EFL1: variants seen among roughly 807,000 people sequenced by gnomAD.
The protein encoded by EFL1 is elongation factor like GTPase 1.
EFL1 carries 76 observed loss-of-function variants against 126.7 expected under a neutral mutation model. The ratio of observed to expected loss-of-function variants is 0.60; its 90% CI spans 0.50 to 0.73. The LOEUF (loss-of-function observed/expected upper bound fraction) is 0.73. EFL1 is among the 30% of genes least tolerant of loss of function. EFL1 has a pLI of 0.00. For synonymous variants in EFL1, 410 were observed against 448.4 expected (o/e 0.91, Z 1.08); for missense variants, 1,128 against 1,343.2 (o/e 0.84, Z 2.50).
chr15:82,230,303 GT>G (rs1199893314), intron 8 of EFL1, among the ~76,000 whole-genome samples: 1 of 152,080 alleles, frequency 6.6e-6, no homozygotes, highest in South Asian at 2.1e-4. Flanking sequence ...TGAAATCCTG[GT>G]TTTAACATTA....
intron 15 of EFL1, among the ~76,000 whole-genome samples, chr15:82,213,386 C>T (rs2074609596): frequency 6.6e-6 from 1 of 152,164 alleles, no homozygotes. Context: ...TACCATATGG[C>T]AGAGCCAAGG....
chr15:82,259,801 T>C (rs990382671), intron 2 of EFL1, among the ~76,000 whole-genome samples: 1 of 152,196 alleles, frequency 6.6e-6, no homozygotes. Flanking sequence ...TTTTTTTCCT[T>C]CAAGACAAGT....
At chr15:82,211,537 A>G (rs1323014515) in intron 15 of EFL1, among the ~76,000 whole-genome samples, 2 of 106,580 alleles carry the variant, frequency 1.9e-5, no homozygotes, top group Non-Finnish European at 3.9e-5. Context: ...AAGAAAAAAA[A>G]AAAAATCTAT....
intron 15 of EFL1, among the ~76,000 whole-genome samples, chr15:82,170,153 C>G (rs980404599): frequency 5.6e-5 from 7 of 124,052 alleles, no homozygotes; most frequent in Admixed American, 1.0e-4. Context: ...CTCGCTCTGT[C>G]GCCCAGGCTG....
Position 82,162,736 on chromosome 15 carries a change from T to C in EFL1, c.1882+1117A>G, listed in dbSNP as rs1475154212. ...GAGGTCCAGTCCTCCAAGTATCTGC[T>C]CTGGGGATCCAGGGATCCTTAATGG... is the stretch of plus-strand genomic sequence containing the variant. On this transcript the variant is annotated intron_variant, in intron 16 of 19. Coordinates refer to ENST00000268206, the MANE Select transcript of EFL1 (RefSeq NM_024580.6). 2.0e-5 allele frequency among the ~76,000 whole-genome samples: 3 copies of C among 152,166 alleles called. No homozygotes were observed. In the East Asian group the frequency reaches 5.8e-4, roughly 29 times the overall value.
chr15:82,219,094 T>C (rs963995016), intron 14 of EFL1, among the ~76,000 whole-genome samples: 1 of 152,238 alleles, frequency 6.6e-6, no homozygotes, highest in African/African-American at 2.4e-5. Flanking sequence ...GATATAATTA[T>C]AATGTATATA....
intron 15 of EFL1, among the ~76,000 whole-genome samples, chr15:82,166,044 T>A (rs2074076350): frequency 6.6e-6 from 1 of 152,184 alleles, no homozygotes; most frequent in Admixed American, 6.5e-5. Flanking sequence ...AAGTTTCCAC[T>A]AAGTCTACTA....
intron 18 of EFL1, among the ~76,000 whole-genome samples, chr15:82,150,923 T>G (rs1283111516): frequency 6.6e-6 from 1 of 152,200 alleles, no homozygotes; most frequent in Non-Finnish European, 1.5e-5. Flanking sequence ...TTAGCAGACC[T>G]CTCATTACGG....
Position 82,219,718 on chromosome 15 carries a change from C to G in EFL1, c.1545G>C (p.Val515=). Residue 515 remains valine, a synonymous_variant, in exon 14 of 20, where the codon GTG becomes GTC. Transcript: ENST00000268206. ...CAAAAATTTTCTTTCCTCTTCGAGC[C>G]ACACCACTGAACACCCGAGCAAATG... ...FIAFARVFSG[V]ARRGKKIFVL... is the part of the protein sequence containing the mutation. 2 of 1,613,944 alleles carry G rather than the reference C, an allele frequency of 1.2e-6. No individual in the cohort carries two copies. Among genetic ancestry groups the G allele is most frequent in the Non-Finnish European group, 1.7e-6 (2 of 1,179,922 alleles).
chr15:82,243,605 C>G (rs1596005792), intron 4 of EFL1, among the ~76,000 whole-genome samples: 2 of 93,800 alleles, frequency 2.1e-5, no homozygotes, highest in African/African-American at 8.7e-5. Flanking sequence ...ACTGAAGTTT[C>G]AGAGACTGGG....
chr15:82,255,399 A>C (rs1257833153), intron 3 of EFL1, among the ~76,000 whole-genome samples: 1 of 152,200 alleles, frequency 6.6e-6, no homozygotes, highest in Non-Finnish European at 1.5e-5. Context: ...TAGTCTCTGA[A>C]TATTAGTCCT....
At chr15:82,200,879 T>A (rs925203859) in intron 15 of EFL1, among the ~76,000 whole-genome samples, 2 of 151,812 alleles carry the variant, frequency 1.3e-5, no homozygotes, top group East Asian at 3.9e-4. Context: ...ATCTCCCTTA[T>A]GTACTTGAGA....
intron 19 of EFL1, among the ~76,000 whole-genome samples, chr15:82,137,361 G>C (rs1721108451): frequency 1.3e-5 from 2 of 152,086 alleles, no homozygotes; most frequent in South Asian, 4.1e-4. Flanking sequence ...TGCTGAAATA[G>C]AGTTTAAGAA....
chr15:82,225,074 T>C, intron 12 of EFL1, 91 bp downstream of exon 12: 1 of 902,920 alleles, frequency 1.1e-6, no homozygotes, highest in Non-Finnish European at 1.6e-6. Flanking sequence ...AGGAAAAGCA[T>C]TATCCGTGCC....
chr15:82,226,525 T>C (rs1383388336), intron 11 of EFL1, among the ~76,000 whole-genome samples: 3 of 152,134 alleles, frequency 2.0e-5, no homozygotes, highest in South Asian at 2.1e-4. Context: ...AATGAAAAGA[T>C]TGAGGTCTCC....
chr15:82,262,656 GCACCCAC>G lies in EFL1; in HGVS notation c.-69_-63del. ...CCAGCCCCGCTCCTTCTCTCGGGTCGCACCCACACCGAGAGCTTCCGAAAGTCCGAGA... is the reference window on the plus strand; with the variant it reads ...CCAGCCCCGCTCCTTCTCTCGGGTCGACCGAGAGCTTCCGAAAGTCCGAGA... On this transcript the variant is annotated 5_prime_UTR_variant, in exon 1 of 20. Transcript: ENST00000268206. The G allele has an allele frequency of 2.0e-6, 1 of 498,264 alleles. No homozygotes were observed. The highest frequency in any genetic ancestry group is 4.2e-5 in the East Asian group (1 of 24,094). The allele number at this position is 498,264 out of a possible 1,614,324, so 30.9% of individuals were successfully genotyped here. A position where few individuals can be genotyped will look rare whatever the true frequency, so the allele number is the denominator to read the frequency against.
At chr15:82,182,238 G>A (rs201580755) in intron 15 of EFL1, among the ~76,000 whole-genome samples, 37 of 152,256 alleles carry the variant, frequency 2.4e-4, no homozygotes, top group Middle Eastern at 6.8e-3. Context: ...CAGCCTAGGC[G>A]AAAGAGCAAG....
chr15:82,144,507 C>T (rs1017460957), intron 18 of EFL1, among the ~76,000 whole-genome samples: 1 of 152,068 alleles, frequency 6.6e-6, no homozygotes. Context: ...CCTAGAAAAC[C>T]ATGTTTGTGC....
intron 15 of EFL1, among the ~76,000 whole-genome samples, chr15:82,212,866 C>T (rs2074604475): frequency 6.6e-6 from 1 of 152,202 alleles, no homozygotes; most frequent in African/African-American, 2.4e-5. Flanking sequence ...ACTAGAGAGG[C>T]ATTTCTTTCC....
Sources: gnomAD v4.1 joint callset for allele counts (sites outside exome capture counted in the v4.1 genomes callset) on GRCh38, gnomAD v4.1.1 for gene constraint, MANE v1.5 for transcripts, NCBI Gene and HGNC (gene_info 2026-07-23, HGNC 2026-07-21) for gene names.